ABCA4: variants seen among roughly 807,000 people sequenced by gnomAD.
The protein encoded by ABCA4 is ATP binding cassette subfamily A member 4, also known as retinal-specific phospholipid-transporting ATPase ABCA4.
ABCA4 carries 196 observed loss-of-function variants against 263.7 expected under a neutral mutation model. The ratio of observed to expected loss-of-function variants is 0.74; its 90% confidence interval spans 0.66 to 0.84. The LOEUF (loss-of-function observed/expected upper bound fraction) is 0.84, where lower values mean the gene tolerates loss of function less well. Among genes scored for constraint, ABCA4 ranks in the 40% least tolerant of loss-of-function variants. ABCA4 has a pLI of 0.00. For missense variants in ABCA4, 2,792 were observed against 2,855.1 expected (o/e 0.98, Z 0.50); for synonymous variants, 1,133 against 1,094.2 (o/e 1.04, Z -0.70).
intron 48 of ABCA4, among the ~76,000 whole-genome samples, chr1:93,996,460 G>T (rs1659006066): frequency 6.6e-6 from 1 of 152,158 alleles, no homozygotes; most frequent in African/African-American, 2.4e-5. Context: ...CCAGACATTG[G>T]GGTAATCAAG....
In ABCA4 at chr1:94,031,103, G is replaced by A. The variant is rs778022854; in HGVS notation, c.4146C>T (p.Thr1382=). The change falls in exon 28 of 50, where the codon ACC becomes ACT. Residue 1382 remains threonine, a synonymous_variant. Transcript: ENST00000370225. ...AAAGCATCAGAGCCAAAAACACAAAGGTAGCCGGGAGCACGATCTGTGGGA... is the reference window on the plus strand; with the variant it reads ...AAAGCATCAGAGCCAAAAACACAAAAGTAGCCGGGAGCACGATCTGTGGGA... ...DFLAQIVLPA[T]FVFLALMLSI... 1.7e-5 allele frequency: 28 copies of A among 1,614,020 alleles called. No individual in the cohort carries two copies. Among genetic ancestry groups the A allele is most frequent in the Non-Finnish European group, 2.2e-5 (26 of 1,180,016 alleles).
intron 4 of ABCA4, among the ~76,000 whole-genome samples, chr1:94,104,370 A>G (rs1662364286): frequency 1.3e-5 from 2 of 152,100 alleles, no homozygotes; most frequent in Non-Finnish European, 2.9e-5. Flanking sequence ...TTTAACCATC[A>G]CATGTCCCCA....
chr1:94,110,462 G>C (rs1662573587), intron 3 of ABCA4, among the ~76,000 whole-genome samples: 1 of 152,164 alleles, frequency 6.6e-6, no homozygotes, highest in Non-Finnish European at 1.5e-5. Context: ...AAGTAACCAG[G>C]TATCTCAGTT....
At chr1:94,057,565 C>CA (rs1557785094) in intron 14 of ABCA4, among the ~76,000 whole-genome samples, 2 of 152,184 alleles carry the variant, frequency 1.3e-5, no homozygotes, top group Non-Finnish European at 2.9e-5. Context: ...AGGTTTGCTA[C>CA]CCACACAGGT....
chr1:94,021,426 A>T lies in ABCA4; in HGVS notation c.4849-17T>A. The T allele has an allele frequency of 6.2e-7, 1 of 1,614,134 alleles. No individual in the cohort carries two copies. Among genetic ancestry groups the T allele is most frequent in the Non-Finnish European group, 8.5e-7 (1 of 1,179,976 alleles). On this transcript the variant is annotated splice_polypyrimidine_tract_variant and intron_variant, in intron 34 of 49. Coordinates refer to ENST00000370225, the MANE Select transcript of ABCA4 (RefSeq NM_000350.3). ...AAACCACACCTAGAGGGTGGAGAGG[A>T]CATCTGAGACGCTGCACTAACAGCT... is the stretch of plus-strand genomic sequence containing the variant.
At chr1:94,032,200 T>C (rs1415930945) in intron 26 of ABCA4, among the ~76,000 whole-genome samples, 157 bp from the exon 27 acceptor site, 1 of 152,174 alleles carries the variant, frequency 6.6e-6, no homozygotes, top group African/African-American at 2.4e-5. Flanking sequence ...TAAAAATCTA[T>C]TTCTAGTGTA....
chr1:94,050,018 C>T (rs1324764376), intron 17 of ABCA4, among the ~76,000 whole-genome samples: 1 of 152,224 alleles, frequency 6.6e-6, no homozygotes, highest in Non-Finnish European at 1.5e-5. Context: ...AGTGCACATA[C>T]AGGAGCAGGG....
At position 94,063,229 on chromosome 1, in the gene ABCA4, C is replaced by T. The variant is rs1034579541; in HGVS notation, c.1643G>A (p.Trp548Ter). ...CATGTCAGGGAATACCACTCCGGCCCAGAACATGTTTTCCTCCAGTAGAGA... is the reference window on the plus strand; with the variant it reads ...CATGTCAGGGAATACCACTCCGGCCTAGAACATGTTTTCCTCCAGTAGAGA... ...ALSLLEENMFWAGVVFPDMYP... is the reference protein window; with the variant it reads ...ALSLLEENMF Residue 548 changes from tryptophan (W) to a stop codon, truncating the protein, a stop_gained, in exon 12 of 50, where the codon TGG (tryptophan) becomes TAG (stop). Transcript: ENST00000370225. LOFTEE classifies it high-confidence loss of function. 6.2e-7 allele frequency: 1 copy of T among 1,614,134 alleles called. No individual in the cohort carries two copies. Among genetic ancestry groups the T allele is most frequent in the Non-Finnish European group, 8.5e-7 (1 of 1,180,010 alleles).
intron 47 of ABCA4, among the ~76,000 whole-genome samples, chr1:93,999,917 G>A (rs1659129173): frequency 6.6e-6 from 1 of 152,228 alleles, no homozygotes; most frequent in African/African-American, 2.4e-5. Context: ...AGATATCTAT[G>A]CAGTGTCCAA....
In ABCA4 at chr1:93,992,978, T is replaced by G. The variant is rs1427806070; in HGVS notation, c.*259A>C. The G allele has an allele frequency of 1.8e-6, 1 of 545,264 alleles. No individual in the cohort carries two copies. The highest frequency in any genetic ancestry group is 1.9e-5 in the African/African-American group (1 of 52,670). The allele number at this position is 545,264 out of a possible 1,614,324, so 33.8% of individuals were successfully genotyped here. A position where few individuals can be genotyped will look rare whatever the true frequency, so the allele number is the denominator to read the frequency against. On this transcript the variant is annotated 3_prime_UTR_variant, in exon 50 of 50. Transcript: ENST00000370225. ...AGCTGCTAGTGGGATGGCCCGGGGT[T>G]TCTAGTTCTGGGGTCTGGAGAAGGA...
rs533205993 is a variant in ABCA4, at chr1:94,023,606, G to A, written c.4635-188C>T. On this transcript the variant is annotated intron_variant, in intron 31 of 49. Transcript: ENST00000370225. ...TTGCCTGAATACACATGCAGAGAAA[G>A]GACCTATGATTTCCCCCACTGGCTC... Among the ~76,000 whole-genome samples the A allele has an allele frequency of 1.3e-4, 20 of 152,286 alleles. No individual in the cohort carries two copies. In the East Asian group the frequency reaches 3.3e-3, roughly 25 times the overall value.
intron 20 of ABCA4, among the ~76,000 whole-genome samples, chr1:94,044,242 T>G (rs1660607624): frequency 1.3e-5 from 2 of 152,218 alleles, no homozygotes; most frequent in African/African-American, 4.8e-5. Flanking sequence ...CTGAAAAGTT[T>G]GCCTTTCAGG....
intron 6 of ABCA4, among the ~76,000 whole-genome samples, chr1:94,087,408 C>T (rs544256929): frequency 6.6e-6 from 1 of 152,302 alleles, no homozygotes; most frequent in African/African-American, 2.4e-5. Context: ...AGTCATAATG[C>T]CTGGCCCAGC....
chr1:94,064,606 C>T lies in ABCA4; in HGVS notation c.1555-1289G>A, dbSNP rs140253086. Among the ~76,000 whole-genome samples the T allele has an allele frequency of 8.5e-5, 13 of 152,264 alleles. 2 individuals carry two copies. Among genetic ancestry groups the T allele is most frequent in the African/African-American group, 3.1e-4 (13 of 41,544 alleles). On this transcript the variant is annotated intron_variant, in intron 11 of 49. Transcript: ENST00000370225. ...AAAGATACCTATGCCAGGCCCTACC[C>T]CAAGCAATTAAATCAGAATCTCTAG...
At chr1:94,084,873 G>A (rs1460736964) in intron 6 of ABCA4, among the ~76,000 whole-genome samples, 1 of 152,224 alleles carries the variant, frequency 6.6e-6, no homozygotes, top group Admixed American at 6.5e-5. Flanking sequence ...GAGAAGAAGA[G>A]TGGGTGTGAA....
chr1:94,121,070 T>C lies in ABCA4; in HGVS notation c.-25A>G, dbSNP rs1478089914. ...TGCTAATGACCACACGAAGACCAGATTGGTCAGAGCTGAGGCCCCTCAGAC... is the reference window on the plus strand; with the variant it reads ...TGCTAATGACCACACGAAGACCAGACTGGTCAGAGCTGAGGCCCCTCAGAC... On this transcript the variant is annotated 5_prime_UTR_variant, in exon 1 of 50. Transcript: ENST00000370225. 5.0e-6 allele frequency: 8 copies of C among 1,613,162 alleles called. No individual in the cohort carries two copies. Among genetic ancestry groups the C allele is most frequent in the East Asian group, 2.2e-5 (1 of 44,876 alleles).
Position 94,021,280 on chromosome 1 carries a change from G to T in ABCA4, c.4978C>A (p.Pro1660Thr). The T allele has an allele frequency of 1.2e-6, 2 of 1,614,206 alleles. No homozygotes were observed. Among genetic ancestry groups the T allele is most frequent in the Non-Finnish European group, 1.7e-6 (2 of 1,180,044 alleles). The change falls in exon 35 of 50, where the codon CCC becomes ACC. Residue 1660 changes from proline (P) to threonine (T), a missense_variant. By Grantham distance (38) the Pro-to-Thr change is conservative (BLOSUM62 -1). Transcript: ENST00000370225. Reference sequence around the variant, plus strand: ...AGCTGCTCCTTGGTCAGGTTCAGGGGTTGGCTAATGACGGTGATTCCATAC... The same window carrying T: ...AGCTGCTCCTTGGTCAGGTTCAGGGTTTGGCTAATGACGGTGATTCCATAC... ...EEYGITVISQPLNLTKEQLSE... is the reference protein window; with the variant it reads ...EEYGITVISQTLNLTKEQLSE...
At chr1:94,042,974 T>C (rs980399708) in intron 21 of ABCA4, 76 bp from the exon 22 acceptor site, 130 of 1,593,264 alleles carry the variant, frequency 8.2e-5, no homozygotes, top group Non-Finnish European at 9.5e-5. Context: ...GCAAGTGGCA[T>C]TGTGGGGGTA....
At chr1:93,995,218 A>G (rs1302288192) in intron 49 of ABCA4, among the ~76,000 whole-genome samples, 1 of 152,222 alleles carries the variant, frequency 6.6e-6, no homozygotes, top group East Asian at 1.9e-4. Flanking sequence ...AATTCATCAC[A>G]AGCACTGCTT....
Sources: gnomAD v4.1 joint callset for allele counts (sites outside exome capture counted in the v4.1 genomes callset) on GRCh38, gnomAD v4.1.1 for gene constraint, MANE v1.5 for transcripts, NCBI Gene and HGNC (gene_info 2026-07-23, HGNC 2026-07-21) for gene names.